CTNND2: variants seen among roughly 807,000 people sequenced by gnomAD.
The protein encoded by CTNND2 is catenin delta-2.
Under a neutral mutation model 144.4 loss-of-function variants are expected in CTNND2, and 22 were observed. That is an observed-to-expected ratio of 0.15 (90% CI 0.11 to 0.22). The LOEUF (loss-of-function observed/expected upper bound fraction) is 0.22, where lower values mean the gene tolerates loss of function less well. Ranked by LOEUF, CTNND2 falls within the 10% of genes least tolerant of loss-of-function variation. The pLI, the probability that CTNND2 is intolerant of heterozygous loss-of-function variation, is 1.00. For missense variants in CTNND2, 1,353 were observed against 1,618.8 expected (o/e 0.84, Z 2.82); for synonymous variants, 751 against 695.6 (o/e 1.08, Z -1.25).
intron 2 of CTNND2, among the ~76,000 whole-genome samples, chr5:11,634,932 A>G (rs1204106616): frequency 2.6e-5 from 4 of 152,124 alleles, no homozygotes; most frequent in Admixed American, 2.6e-4. Context: ...AGGAACCTTT[A>G]GAGCAATTTT....
Position 11,713,913 on chromosome 5 carries a change from G to T in CTNND2, c.174+18223C>A, listed in dbSNP as rs576880798. On this transcript the variant is annotated intron_variant, in intron 2 of 21. Coordinates refer to ENST00000304623, the MANE Select transcript of CTNND2 (RefSeq NM_001332.4). ...GGACCTACCGTTCACCTGGAAGTGT[G>T]GCATAGGACACTGGGGACAGCAGGG... Among the ~76,000 whole-genome samples the T allele has an allele frequency of 1.4e-4, 21 of 150,754 alleles. No individual in the cohort carries two copies. In the South Asian group the frequency reaches 3.0e-3, roughly 21 times the overall value.
chr5:11,875,981 A>G (rs2034824515), intron 1 of CTNND2, among the ~76,000 whole-genome samples: 1 of 152,232 alleles, frequency 6.6e-6, no homozygotes, highest in South Asian at 2.1e-4. Context: ...GGAATAAAAC[A>G]GATGAAATTG....
intron 19 of CTNND2, among the ~76,000 whole-genome samples, chr5:10,991,399 C>G (rs564382226): frequency 9.2e-5 from 14 of 152,282 alleles, no homozygotes; most frequent in Admixed American, 8.5e-4. Flanking sequence ...TAAATAAGAG[C>G]CTACATAGCT....
At chr5:11,801,295 C>G (rs1791668919) in intron 1 of CTNND2, among the ~76,000 whole-genome samples, 1 of 152,130 alleles carries the variant, frequency 6.6e-6, no homozygotes, top group African/African-American at 2.4e-5. Flanking sequence ...TCTTACTCAC[C>G]TAGGGTGAGT....
chr5:11,320,393 T>G (rs767667495), intron 9 of CTNND2, among the ~76,000 whole-genome samples: 1 of 152,192 alleles, frequency 6.6e-6, no homozygotes, highest in Non-Finnish European at 1.5e-5. Context: ...TACTATGTCA[T>G]GGTTTAAAAA....
At chr5:11,266,942 G>A (rs562497100) in intron 9 of CTNND2, among the ~76,000 whole-genome samples, 3 of 152,248 alleles carry the variant, frequency 2.0e-5, no homozygotes, top group Admixed American at 6.5e-5. Context: ...GCAATGGCGC[G>A]ATCTCAGCTC....
chr5:11,428,194 C>T (rs1359211865), intron 3 of CTNND2, among the ~76,000 whole-genome samples: 2 of 152,190 alleles, frequency 1.3e-5, no homozygotes, highest in Admixed American at 6.5e-5. Flanking sequence ...CAAACCATAT[C>T]AACCCTAAAG....
chr5:11,044,155 G>A (rs1220924620), intron 16 of CTNND2, among the ~76,000 whole-genome samples: 2 of 152,140 alleles, frequency 1.3e-5, no homozygotes, highest in Admixed American at 6.5e-5. Flanking sequence ...CGTGACAGGA[G>A]GTCCTTTCCC....
chr5:11,899,858 C>A (rs1737714596), intron 1 of CTNND2, among the ~76,000 whole-genome samples: 1 of 152,250 alleles, frequency 6.6e-6, no homozygotes, highest in East Asian at 1.9e-4. Context: ...GGGCTGGAAT[C>A]CACCAAAAGC....
chr5:11,062,939 T>A (rs1747162074), intron 16 of CTNND2, among the ~76,000 whole-genome samples: 2 of 152,202 alleles, frequency 1.3e-5, no homozygotes, highest in Non-Finnish European at 2.9e-5. Flanking sequence ...GTGTCTGGGT[T>A]AAGGAGGAAC....
At chr5:11,364,262 CAT>C (rs564538549) in intron 8 of CTNND2, among the ~76,000 whole-genome samples, 39 of 152,282 alleles carry the variant, frequency 2.6e-4, no homozygotes, top group Admixed American at 4.6e-4. Context: ...AAATATGCTA[CAT>C]GTTTAGTAAA....
chr5:11,662,655 C>T (rs1419965838), intron 2 of CTNND2, among the ~76,000 whole-genome samples: 3 of 152,080 alleles, frequency 2.0e-5, no homozygotes, highest in Non-Finnish European at 4.4e-5. Context: ...CAATACCTTA[C>T]ATCCTTCGAT....
intron 1 of CTNND2, among the ~76,000 whole-genome samples, chr5:11,868,111 G>T (rs1409506812): frequency 6.6e-6 from 1 of 151,970 alleles, no homozygotes; most frequent in South Asian, 2.1e-4. Context: ...CACTTCACCT[G>T]CAGGCACAGC....
intron 2 of CTNND2, among the ~76,000 whole-genome samples, chr5:11,709,337 T>A (rs895879091): frequency 3.9e-5 from 6 of 152,306 alleles, no homozygotes; most frequent in African/African-American, 1.4e-4. Flanking sequence ...CAGCTAGAGT[T>A]AACTCCAGGC....
chr5:11,130,430 C>T (rs565706773), intron 12 of CTNND2, among the ~76,000 whole-genome samples: 2 of 152,256 alleles, frequency 1.3e-5, no homozygotes, highest in Admixed American at 6.5e-5. Flanking sequence ...ACCAGAAATA[C>T]CTGAATTAAA....
At chr5:11,793,300 A>G (rs1473674879) in intron 1 of CTNND2, among the ~76,000 whole-genome samples, 1 of 152,086 alleles carries the variant, frequency 6.6e-6, no homozygotes, top group Non-Finnish European at 1.5e-5. Flanking sequence ...TCCTCTAGTA[A>G]TTCAGTCCAA....
intron 11 of CTNND2, among the ~76,000 whole-genome samples, chr5:11,165,153 A>G (rs1580464477): frequency 6.6e-6 from 1 of 152,372 alleles, no homozygotes; most frequent in East Asian, 1.9e-4. Flanking sequence ...TAATAAATCC[A>G]AACAAGAATA....
intron 2 of CTNND2, among the ~76,000 whole-genome samples, chr5:11,680,677 C>T (rs1016905502): frequency 3.9e-5 from 6 of 151,972 alleles, no homozygotes; most frequent in African/African-American, 7.3e-5. Flanking sequence ...TGAGTAGATG[C>T]GTGTGGGCTG....
intron 2 of CTNND2, among the ~76,000 whole-genome samples, chr5:11,606,741 C>T (rs1050394265): frequency 6.6e-6 from 1 of 152,022 alleles, no homozygotes; most frequent in Non-Finnish European, 1.5e-5. Context: ...TATATGTGTT[C>T]CCAGGATACC....
Sources: gnomAD v4.1 joint callset for allele counts (sites outside exome capture counted in the v4.1 genomes callset) on GRCh38, gnomAD v4.1.1 for gene constraint, MANE v1.5 for transcripts, NCBI Gene and HGNC (gene_info 2026-07-23, HGNC 2026-07-21) for gene names.